The following ZNF550 variants were observed in gnomAD, a reference collection of about 807,000 sequenced individuals.
The protein encoded by ZNF550 is zinc finger protein 550.
ZNF550 carries 42 observed loss-of-function variants against 40.2 expected under a neutral mutation model. The ratio of observed to expected loss-of-function variants is 1.05; its 90% confidence interval spans 0.82 to 1.35. ZNF550 has a LOEUF of 1.35. Among genes scored for constraint, ZNF550 ranks in the 40% most tolerant of loss-of-function variants. ZNF550 has a pLI of 0.00. For synonymous variants in ZNF550, 223 were observed against 198.6 expected, an observed-to-expected ratio of 1.12 and a Z score of -1.03; for missense variants, 549 against 525.2, an observed-to-expected ratio of 1.05 and a Z score of -0.44.
At chr19:57,559,472 G>C (rs1449364238) in intron 1 of ZNF550, among the ~76,000 whole-genome samples, 184 bp downstream of exon 1, 1 of 152,142 alleles carries the variant, frequency 6.6e-6, no homozygotes, top group African/African-American at 2.4e-5. Context: ...CCCAGAAACG[G>C]GGACGCTCCC....
intron 4 of ZNF550, among the ~76,000 whole-genome samples, chr19:57,545,121 C>G (rs2089996995): frequency 1.3e-5 from 2 of 152,196 alleles, no homozygotes; most frequent in South Asian, 4.1e-4. Context: ...GACTCCATCT[C>G]AAAACACAAC....
chr19:57,546,931 G>A (rs973093807), exon 4 of ZNF550: 1 of 1,547,604 alleles, frequency 6.5e-7, no homozygotes, highest in African/African-American at 1.4e-5. Flanking sequence ...TAAAATAACA[G>A]TGGGTAAAGG....
intron 2 of ZNF550, chr19:57,555,034 C>T (rs2090107223): frequency 6.6e-6 from 1 of 152,238 alleles, no homozygotes. Flanking sequence ...TTGATGTCCA[C>T]CTTCCCAACT....
intron 3 of ZNF550, among the ~76,000 whole-genome samples, chr19:57,548,619 CTGTT>C (rs1419203960): frequency 6.6e-6 from 1 of 152,180 alleles, no homozygotes; most frequent in Non-Finnish European, 1.5e-5. Flanking sequence ...CCCTCATACA[CTGTT>C]GGTGGGAATT....
Position 57,554,177 on chromosome 19 carries a change from CA to C in ZNF550, c.155-1456del, listed in dbSNP as rs1006705336. The C allele has an allele frequency of 1.3e-5, 2 of 148,776 alleles. No individual in the cohort carries two copies. Among genetic ancestry groups the C allele is most frequent in the African/African-American group, 2.5e-5 (1 of 40,472 alleles). The allele number at this position is 148,776 out of a possible 1,614,324, so 9.2% of individuals were successfully genotyped here. ...TGAATGACAGAGCAAGACTCCATCT[CA>C]AAAAAAAAGGAAAAGAAAAACCAGT... On this transcript the variant is annotated intron_variant, in intron 2 of 4. Transcript: ENST00000457177. The surrounding 1 kb of genome is among the most constrained non-coding windows in gnomAD (Gnocchi z 4.5).
At chr19:57,546,484 T>C (rs1033957051) in exon 4 of ZNF550, 5 of 988,150 alleles carry the variant, frequency 5.1e-6, no homozygotes, top group South Asian at 9.3e-5. Flanking sequence ...CATAAGTTCA[T>C]AGAGAAAATC....
chr19:57,548,023 T>C (rs201615132), intron 3 of ZNF550, 30 bp from the exon 4 acceptor site: 1 of 1,568,288 alleles, frequency 6.4e-7, no homozygotes, highest in African/African-American at 1.4e-5. Flanking sequence ...AAAGGAGGGG[T>C]CTTTTAGTGA....
rs924820125 is a variant in ZNF550 at position 57,544,648 on chromosome 19, G to A, written c.*519-1405C>T. The A allele has an allele frequency of 5.4e-5, 53 of 979,428 alleles. No individual in the cohort carries two copies. In the African/African-American group the frequency reaches 8.9e-4, roughly 16 times the overall value. 60.7% of individuals were successfully genotyped at this position (979,428 alleles called of 1,614,324 possible). A position where few individuals can be genotyped will look rare whatever the true frequency, so the allele number is the denominator to read the frequency against. ...ATTCTATTTATAATATGTGCAAAAG[G>A]ACCACAGTAAAAGGTACATGCCCAC... On this transcript the variant is annotated intron_variant, in intron 4 of 4. Coordinates refer to ENST00000457177, the Ensembl canonical transcript of ZNF550.
chr19:57,546,751 C>G (rs2090013435), exon 4 of ZNF550: 3 of 1,323,348 alleles, frequency 2.3e-6, no homozygotes, highest in East Asian at 2.7e-5. Flanking sequence ...TGAGTGAGAA[C>G]TGAGTGGTGA....
intron 1 of ZNF550, among the ~76,000 whole-genome samples, chr19:57,558,428 G>C (rs532151648): frequency 7.2e-5 from 11 of 152,262 alleles, no homozygotes; most frequent in African/African-American, 2.6e-4. Context: ...AATGTGATGA[G>C]AGTCCCTATA....
chr19:57,559,688 C>T, exon 1 of ZNF550: 1 of 1,502,390 alleles, frequency 6.7e-7, no homozygotes, highest in Non-Finnish European at 8.9e-7. Flanking sequence ...GCCATCCGAC[C>T]GTTGGCAGGA....
At chr19:57,559,611 A>C (rs1205107008) in intron 1 of ZNF550, 45 bp downstream of exon 1, 16 of 1,453,774 alleles carry the variant, frequency 1.1e-5, no homozygotes, top group Non-Finnish European at 1.3e-5. Context: ...CGGGCCCGGG[A>C]CACTGAGGCC....
chr19:57,547,277 C>CT lies in ZNF550; in HGVS notation c.966dup (p.Ala323SerfsTer3). ...ATTAGGTGGGCTCTATTGCTAAAGG[C>CT]TTTCTCACATTCTTTGCACTCAAAG... On this transcript the variant is annotated frameshift_variant, in exon 4 of 5. Coordinates refer to ENST00000457177, the Ensembl canonical transcript of ZNF550. LOFTEE classifies it high-confidence loss of function. 6.2e-7 allele frequency: 1 copy of CT among 1,614,002 alleles called. No homozygotes were observed. Among genetic ancestry groups the CT allele is most frequent in the Non-Finnish European group, 8.5e-7 (1 of 1,179,974 alleles).
At chr19:57,558,938 T>A (rs775547322) in intron 1 of ZNF550, among the ~76,000 whole-genome samples, 25 of 152,114 alleles carry the variant, frequency 1.6e-4, no homozygotes, top group Non-Finnish European at 3.4e-4. Context: ...AACAGGAAAA[T>A]ATACTGTTAG....
At chr19:57,542,190 A>G (rs2089965866) in exon 5 of ZNF550, 1 of 151,820 alleles carries the variant, frequency 6.6e-6, no homozygotes, top group African/African-American at 2.4e-5. Context: ...CTTCTAAAGT[A>G]AAAACTGGAA....
intron 3 of ZNF550, 35 bp from the exon 4 acceptor site, chr19:57,548,028 T>C (rs2090040183): frequency 6.4e-7 from 1 of 1,568,572 alleles, no homozygotes; most frequent in African/African-American, 1.4e-5. Flanking sequence ...AGGGGTCTTT[T>C]AGTGATAAAA....
At chr19:57,546,571 CA>C in exon 4 of ZNF550, 1 of 997,536 alleles carries the variant, frequency 1.0e-6, no homozygotes, top group Non-Finnish European at 1.2e-6. Context: ...TTTCTCACAT[CA>C]ATAACAATTA....
rs112519092 is a variant in ZNF550 at position 57,555,021 on chromosome 19, G to A, written c.154+1210C>T. 3 of 152,232 alleles carry A rather than the reference G, an allele frequency of 2.0e-5. No individual in the cohort carries two copies. In the South Asian group the frequency reaches 6.2e-4, roughly 32 times the overall value. 9.4% of individuals were successfully genotyped at this position (152,232 alleles called of 1,614,324 possible). ...AGAACTTATTTCAGTTGTCATCTAT[G>A]GATTGATGTCCACCTTCCCAACTGA... is the stretch of plus-strand genomic sequence containing the variant. On this transcript the variant is annotated intron_variant, in intron 2 of 4. Coordinates refer to ENST00000457177, the Ensembl canonical transcript of ZNF550.
chr19:57,545,539 CAACA>C (rs1467424135), intron 4 of ZNF550, among the ~76,000 whole-genome samples: 3 of 152,116 alleles, frequency 2.0e-5, no homozygotes, highest in Non-Finnish European at 4.4e-5. Flanking sequence ...AAAATAAAGA[CAACA>C]AACAGACAGA....
Sources: allele counts gnomAD v4.1 joint callset (sites outside exome capture counted in the v4.1 genomes callset), GRCh38; gene constraint gnomAD v4.1.1; non-coding constraint Gnocchi (gnomAD v3.1); transcripts MANE v1.5; gene names NCBI Gene and HGNC (gene_info 2026-07-23, HGNC 2026-07-21).